CLASP2: variants seen among roughly 807,000 people sequenced by gnomAD.
CLASP2 encodes cytoplasmic linker associated protein 2.
CLASP2 carries 47 observed loss-of-function variants against 194.4 expected under a neutral mutation model. The ratio of observed to expected loss-of-function variants is 0.24; its 90% CI spans 0.19 to 0.31. CLASP2 has a LOEUF of 0.31. Among genes scored for constraint, CLASP2 ranks in the 10% least tolerant of loss-of-function variants. The pLI is 1.00. For missense variants in CLASP2, 1,445 were observed against 1,823.6 expected, an observed-to-expected ratio of 0.79 and a Z score of 3.78; for synonymous variants, 619 against 633.5, an observed-to-expected ratio of 0.98 and a Z score of 0.34.
intron 7 of CLASP2, among the ~76,000 whole-genome samples, chr3:33,656,975 C>T (rs1464480926): frequency 1.3e-5 from 2 of 151,980 alleles, no homozygotes; most frequent in African/African-American, 2.4e-5. Context: ...AAAAGACATG[C>T]TACGTATTAA....
At chr3:33,697,978 C>T (rs963818131) in intron 1 of CLASP2, among the ~76,000 whole-genome samples, 1 of 152,170 alleles carries the variant, frequency 6.6e-6, no homozygotes, top group African/African-American at 2.4e-5. Context: ...ACAAGGAGAA[C>T]TCATACCTAC....
chr3:33,641,127 T>G (rs1238946857), intron 8 of CLASP2, among the ~76,000 whole-genome samples: 1 of 152,016 alleles, frequency 6.6e-6, no homozygotes, highest in Non-Finnish European at 1.5e-5. Flanking sequence ...TGTTCTTATA[T>G]ATACATTCTT....
chr3:33,643,505 T>C (rs1277116604), intron 8 of CLASP2, among the ~76,000 whole-genome samples: 2 of 151,842 alleles, frequency 1.3e-5, no homozygotes, highest in Non-Finnish European at 2.9e-5. Context: ...ACCATAAAAT[T>C]ACAAGACAAA....
intron 9 of CLASP2, among the ~76,000 whole-genome samples, chr3:33,628,182 G>A (rs892702507): frequency 2.0e-5 from 3 of 152,262 alleles, no homozygotes; most frequent in South Asian, 2.1e-4. Context: ...GAAAGAATGC[G>A]TGTAAATGCA....
At chr3:33,571,600 A>T (rs2063786163) in intron 25 of CLASP2, among the ~76,000 whole-genome samples, 1 of 151,424 alleles carries the variant, frequency 6.6e-6, no homozygotes, top group Non-Finnish European at 1.5e-5. Flanking sequence ...GTGCCACTGT[A>T]TGCCAGCCTG....
chr3:33,707,373 A>G (rs2092737498), intron 1 of CLASP2, among the ~76,000 whole-genome samples: 1 of 152,254 alleles, frequency 6.6e-6, no homozygotes, highest in African/African-American at 2.4e-5. Flanking sequence ...AAGTAAATGG[A>G]AAGAATCATA....
chr3:33,665,026 G>A (rs1019814608), intron 6 of CLASP2, among the ~76,000 whole-genome samples: 3 of 151,888 alleles, frequency 2.0e-5, no homozygotes, highest in African/African-American at 7.3e-5. Context: ...GCTTGAACCT[G>A]GGAGACAGAA....
At chr3:33,529,934 C>T (rs1244312096) in intron 34 of CLASP2, among the ~76,000 whole-genome samples, 6 of 145,776 alleles carry the variant, frequency 4.1e-5, no homozygotes, top group Non-Finnish European at 6.0e-5. Flanking sequence ...GCCGAGATTG[C>T]GCCACTGCGG....
intron 10 of CLASP2, among the ~76,000 whole-genome samples, chr3:33,623,813 T>C (rs2077518119): frequency 6.6e-6 from 1 of 152,192 alleles, no homozygotes; most frequent in South Asian, 2.1e-4. Flanking sequence ...TGCTGGATCA[T>C]ATTGTGGTTT....
At chr3:33,580,013 A>G (rs9834606) in intron 23 of CLASP2, among the ~76,000 whole-genome samples, 4,401 of 152,172 alleles carry the variant, frequency 0.029, 209 homozygotes, top group African/African-American at 0.099. Context: ...GACTAACTCT[A>G]TTGCATATGA....
Position 33,535,348 on chromosome 3 carries a change from G to A in CLASP2, c.3672C>T (p.Ser1224=), listed in dbSNP as rs748701885. The A allele has an allele frequency of 1.2e-6, 2 of 1,613,850 alleles. No homozygotes were observed. Among genetic ancestry groups the A allele is most frequent in the Non-Finnish European group, 1.7e-6 (2 of 1,179,832 alleles). The part of the protein sequence containing the change: ...ASLLHSMPTH[S]SPRSRDYNPY... The stretch of plus-strand genomic sequence containing the variant: ...GATTATAGTCTCGAGAGCGTGGAGA[G>A]GAGTGAGTAGGCATTGAATGGAGCA... The change falls in exon 34 of 39, where the codon TCC becomes TCT. Residue 1224 remains serine, a synonymous_variant. Coordinates refer to ENST00000682230, the MANE Select transcript of CLASP2 (RefSeq NM_001365631.1).
intron 7 of CLASP2, among the ~76,000 whole-genome samples, chr3:33,654,234 A>G (rs1310153266): frequency 6.6e-6 from 1 of 152,182 alleles, no homozygotes; most frequent in Non-Finnish European, 1.5e-5. Flanking sequence ...TCGTTTTATC[A>G]AACTCTTTCC....
chr3:33,670,752 G>GT (rs1559589821), intron 6 of CLASP2, among the ~76,000 whole-genome samples: 1 of 152,156 alleles, frequency 6.6e-6, no homozygotes, highest in Non-Finnish European at 1.5e-5. Context: ...ACTCTTGAGA[G>GT]TTAAAAACTC....
At chr3:33,526,751 G>T (rs1244509613) in intron 34 of CLASP2, among the ~76,000 whole-genome samples, 1 of 152,058 alleles carries the variant, frequency 6.6e-6, no homozygotes, top group Non-Finnish European at 1.5e-5. Context: ...CTCAAGAAAA[G>T]TAAAAGAACC....
intron 7 of CLASP2, among the ~76,000 whole-genome samples, chr3:33,648,256 A>G (rs1022467225): frequency 6.6e-6 from 1 of 152,190 alleles, no homozygotes; most frequent in Non-Finnish European, 1.5e-5. Flanking sequence ...GGTTGCTTAA[A>G]TGAGATATAT....
chr3:33,670,332 G>A (rs1360644153), intron 6 of CLASP2, among the ~76,000 whole-genome samples: 2 of 152,082 alleles, frequency 1.3e-5, no homozygotes, highest in Non-Finnish European at 2.9e-5. Context: ...TCATCTGTGT[G>A]GTGGATACAT....
chr3:33,645,002 C>G, intron 7 of CLASP2, 99 bp from the exon 8 acceptor site: 2 of 1,267,708 alleles, frequency 1.6e-6, no homozygotes, highest in Admixed American at 4.3e-5. Flanking sequence ...AAAATCATTA[C>G]TTTGGTAAGA....
intron 10 of CLASP2, among the ~76,000 whole-genome samples, chr3:33,623,119 A>C (rs2077380581): frequency 6.6e-6 from 1 of 152,134 alleles, no homozygotes; most frequent in Non-Finnish European, 1.5e-5. Flanking sequence ...TTAATTTCTT[A>C]CATTTTTAAT....
At chr3:33,583,426 T>C (rs1320763575) in intron 22 of CLASP2, among the ~76,000 whole-genome samples, 2 of 152,220 alleles carry the variant, frequency 1.3e-5, no homozygotes, top group Admixed American at 6.5e-5. Context: ...AAGTGGTCCC[T>C]AGGGAACTCA....
Sources: gnomAD v4.1 joint callset for allele counts (sites outside exome capture counted in the v4.1 genomes callset) on GRCh38, gnomAD v4.1.1 for gene constraint, MANE v1.5 for transcripts, NCBI Gene and HGNC (gene_info 2026-07-23, HGNC 2026-07-21) for gene names.